CNTLN: variants seen among roughly 807,000 people sequenced by gnomAD.
CNTLN encodes centlein, also known as centlein, centrosomal protein.
A neutral mutation model predicts 180.0 loss-of-function variants in CNTLN; 212 were observed. That is an observed-to-expected ratio of 1.18 (90% CI 1.05 to 1.32). CNTLN has a LOEUF of 1.32. Ranked by LOEUF, CNTLN falls within the 40% of genes most tolerant of loss-of-function variation. The pLI is 0.00. For missense variants in CNTLN, 2,095 were observed against 1,610.9 expected, an observed-to-expected ratio of 1.30 and a Z score of -5.14; for synonymous variants, 722 against 563.1, an observed-to-expected ratio of 1.28 and a Z score of -3.99.
At chr9:17,267,132 C>A (rs1827526116) in intron 5 of CNTLN, among the ~76,000 whole-genome samples, 1 of 151,994 alleles carries the variant, frequency 6.6e-6, no homozygotes, top group African/African-American at 2.4e-5. Context: ...TCTTCCTATC[C>A]TTGATGGTCT....
intron 25 of CNTLN, among the ~76,000 whole-genome samples, chr9:17,498,305 C>T (rs1297555111): frequency 2.0e-5 from 3 of 152,122 alleles, no homozygotes; most frequent in Admixed American, 6.6e-5. Flanking sequence ...CAAGCATCTG[C>T]AGTCATCATT....
At chr9:17,500,452 T>C (rs192488559) in intron 25 of CNTLN, among the ~76,000 whole-genome samples, 1 of 152,140 alleles carries the variant, frequency 6.6e-6, no homozygotes, top group Non-Finnish European at 1.5e-5. Context: ...TGTGGACTGG[T>C]GAAAGGTCTG....
chr9:17,160,550 G>A (rs373174032), intron 2 of CNTLN, among the ~76,000 whole-genome samples: 1 of 152,136 alleles, frequency 6.6e-6, no homozygotes, highest in African/African-American at 2.4e-5. Flanking sequence ...CTCAAATTTA[G>A]TAATTCCTCT....
At chr9:17,308,995 C>G (rs11506397) in intron 7 of CNTLN, 63 bp from the exon 8 acceptor site, 6 of 1,126,272 alleles carry the variant, frequency 5.3e-6, no homozygotes, top group Non-Finnish European at 4.9e-6. Context: ...CACACACACA[C>G]AGACACACAG....
intron 2 of CNTLN, among the ~76,000 whole-genome samples, chr9:17,191,278 T>G (rs1563864600): frequency 6.6e-6 from 1 of 152,210 alleles, no homozygotes; most frequent in Non-Finnish European, 1.5e-5. Context: ...TCACAGCAGT[T>G]GTTAAATACC....
intron 5 of CNTLN, among the ~76,000 whole-genome samples, chr9:17,241,701 T>A (rs1171953232): frequency 2.2e-5 from 2 of 91,956 alleles, no homozygotes; most frequent in African/African-American, 7.6e-5. Flanking sequence ...TTTCTTTCCA[T>A]TTTTTTTTGT....
At chr9:17,517,910 C>T in the CNTLN span, among the ~76,000 whole-genome samples, 6 of 151,914 alleles carry the variant, frequency 3.9e-5, no homozygotes, top group African/African-American at 1.5e-4. Context: ...GAACTCAGGC[C>T]TTCCGACTCT....
At chr9:17,173,119 T>C (rs1820514625) in intron 2 of CNTLN, among the ~76,000 whole-genome samples, 2 of 152,172 alleles carry the variant, frequency 1.3e-5, no homozygotes, top group South Asian at 2.1e-4. Flanking sequence ...TTATCATTTA[T>C]TGGAAAGCCA....
At chr9:17,262,310 G>T (rs973777411) in intron 5 of CNTLN, among the ~76,000 whole-genome samples, 1 of 151,580 alleles carries the variant, frequency 6.6e-6, no homozygotes, top group Non-Finnish European at 1.5e-5. Context: ...CAATAGCAAA[G>T]ACTTGGAACC....
chr9:17,180,413 A>G (rs986471105), intron 2 of CNTLN, among the ~76,000 whole-genome samples: 1 of 149,528 alleles, frequency 6.7e-6, no homozygotes, highest in Non-Finnish European at 1.5e-5. Context: ...TGGTATCAAT[A>G]TTTTACTACT....
chr9:17,509,270 C>T, the CNTLN span, among the ~76,000 whole-genome samples: 6 of 152,298 alleles, frequency 3.9e-5, no homozygotes, highest in East Asian at 1.2e-3. Context: ...GGGTGATCAG[C>T]CAGCTACCTG....
intron 7 of CNTLN, chr9:17,299,876 C>A: frequency 1.2e-6 from 1 of 804,922 alleles, no homozygotes. Context: ...TTCCATTGTA[C>A]TATAATTGGG....
At chr9:17,348,789 C>G (rs1822131382) in intron 12 of CNTLN, among the ~76,000 whole-genome samples, 1 of 152,122 alleles carries the variant, frequency 6.6e-6, no homozygotes, top group Admixed American at 6.5e-5. Flanking sequence ...CTTGGCCTCC[C>G]AAAGTGCTGG....
chr9:17,374,663 C>T (rs750395368), intron 13 of CNTLN, among the ~76,000 whole-genome samples: 13 of 152,096 alleles, frequency 8.5e-5, no homozygotes, highest in Middle Eastern at 3.4e-3. Flanking sequence ...AGTTTGAGAC[C>T]AGCCTGGCCA....
In CNTLN at chr9:17,160,187, G is replaced by T. The variant is rs548619703; in HGVS notation, c.449+16811G>T. Reference sequence around the variant, plus strand: ...TTTTTTTATCTGAAATGTAAAAAATGATATCCTGAAGTAGTTTTCACTTGC... The same window carrying T: ...TTTTTTTATCTGAAATGTAAAAAATTATATCCTGAAGTAGTTTTCACTTGC... On this transcript the variant is annotated intron_variant, in intron 2 of 25. Coordinates refer to ENST00000380647, the MANE Select transcript of CNTLN (RefSeq NM_017738.4). Among the ~76,000 whole-genome samples, 4 of 152,220 alleles carry T rather than the reference G, an allele frequency of 2.6e-5. No individual in the cohort carries two copies. In the South Asian group the frequency reaches 6.2e-4, roughly 24 times the overall value.
Position 17,330,719 on chromosome 9 carries a change from A to T in CNTLN, c.1429A>T (p.Ile477Leu), listed in dbSNP as rs1820588070. The change falls in exon 9 of 26, where the codon ATA (isoleucine) becomes TTA (leucine). Residue 477 changes from isoleucine (I) to leucine (L), a missense_variant. Transcript: ENST00000380647. ...TGAGTATTTACAGGAGAAACTAAAG[A>T]TAGCAAATGAAAAACTGTCAGAAAA... The part of the protein sequence containing the change: ...EIEYLQEKLK[I>L]ANEKLSENIS... The T allele has an allele frequency of 6.2e-7, 1 of 1,612,252 alleles. No homozygotes were observed. Among genetic ancestry groups the T allele is most frequent in the South Asian group, 1.1e-5 (1 of 90,870 alleles).
intron 5 of CNTLN, among the ~76,000 whole-genome samples, chr9:17,248,702 C>A (rs2132256505): frequency 6.6e-6 from 1 of 151,046 alleles, no homozygotes; most frequent in Middle Eastern, 3.4e-3. Context: ...ATGGCAGCTT[C>A]CTTATTAATA....
chr9:17,486,917 T>C, intron 24 of CNTLN, 72 bp from the exon 25 acceptor site: 1 of 689,774 alleles, frequency 1.4e-6, no homozygotes, highest in South Asian at 1.8e-5. Context: ...TCCAGATTTA[T>C]TCAGTATCTA....
rs1046017357 is a variant in CNTLN, at chr9:17,449,051, C to T, written c.3115-8473C>T. ...TTGCAACCTCATAGTCATTAGTAAG[C>T]ATGTCATATGTAAGTCTCGTGTTTA... is the stretch of plus-strand genomic sequence containing the variant. On this transcript the variant is annotated intron_variant, in intron 18 of 25. Coordinates refer to ENST00000380647, the MANE Select transcript of CNTLN (RefSeq NM_017738.4). Among the ~76,000 whole-genome samples the T allele has an allele frequency of 1.8e-4, 27 of 152,066 alleles. 1 individual carries two copies. Among genetic ancestry groups the T allele is most frequent in the African/African-American group, 6.3e-4 (26 of 41,414 alleles).
Sources: allele counts gnomAD v4.1 joint callset (sites outside exome capture counted in the v4.1 genomes callset), GRCh38; gene constraint gnomAD v4.1.1; transcripts MANE v1.5; gene names NCBI Gene and HGNC (gene_info 2026-07-23, HGNC 2026-07-21).